CELF2: variants seen among roughly 807,000 people sequenced by gnomAD.
CELF2 encodes the protein CUG triplet repeat RNA-binding protein 2.
CELF2 carries 8 observed loss-of-function variants against 62.6 expected under a neutral mutation model. The ratio of observed to expected loss-of-function variants is 0.13; its 90% confidence interval spans 0.07 to 0.23. The LOEUF is 0.23. CELF2 is among the 10% of genes least tolerant of loss of function. The pLI is 1.00. For synonymous variants in CELF2, 258 were observed against 250.0 expected (o/e 1.03, Z -0.30); for missense variants, 333 against 671.0 (o/e 0.50, Z 5.56).
At chr10:10,567,331 G>C in the CELF2 span, among the ~76,000 whole-genome samples, 2 of 152,186 alleles carry the variant, frequency 1.3e-5, no homozygotes, top group Non-Finnish European at 2.9e-5. Context: ...TGAATCCTAT[G>C]TTGCCATTTA....
intron 2 of CELF2, among the ~76,000 whole-genome samples, chr10:10,974,113 T>C (rs201086): frequency 0.34 from 51,532 of 152,134 alleles, 13,700 homozygotes; most frequent in African/African-American, 0.74. Context: ...TTAGAATCCT[T>C]TGTAAACTGA....
At chr10:10,609,514 A>AGAAT in the CELF2 span, among the ~76,000 whole-genome samples, 10 of 152,328 alleles carry the variant, frequency 6.6e-5, no homozygotes, top group African/African-American at 2.4e-4. Flanking sequence ...ACAGCTGATG[A>AGAAT]GAATGTCATG....
intron 1 of CELF2, among the ~76,000 whole-genome samples, chr10:10,868,501 G>T (rs140356969): frequency 6.4e-4 from 98 of 152,258 alleles, no homozygotes; most frequent in African/African-American, 2.1e-3. Context: ...ATATTCTATT[G>T]GTCAAAGCAA....
intron 1 of CELF2, among the ~76,000 whole-genome samples, chr10:11,044,064 G>A (rs775742432): frequency 1.3e-4 from 20 of 152,106 alleles, no homozygotes; most frequent in Non-Finnish European, 2.4e-4. Flanking sequence ...CGGCCTTTGC[G>A]TCTTCACTTC....
intron 9 of CELF2, among the ~76,000 whole-genome samples, chr10:11,299,030 C>G (rs1351371965): frequency 6.6e-6 from 1 of 152,230 alleles, no homozygotes; most frequent in Non-Finnish European, 1.5e-5. Context: ...TTTCCTCACT[C>G]CTTTCTGCTT....
chr10:10,748,763 A>T, the CELF2 span, among the ~76,000 whole-genome samples: 1 of 151,454 alleles, frequency 6.6e-6, no homozygotes, highest in South Asian at 2.1e-4. Flanking sequence ...AAAAAAAAAA[A>T]AAAAAAAAAA....
At chr10:10,884,105 T>C (rs1333286407) in intron 1 of CELF2, among the ~76,000 whole-genome samples, 3 of 152,112 alleles carry the variant, frequency 2.0e-5, no homozygotes, top group Admixed American at 1.3e-4. Context: ...TCTTTCTTGC[T>C]CTCCTTTTGT....
the CELF2 span, among the ~76,000 whole-genome samples, chr10:10,743,974 T>C: frequency 6.6e-6 from 1 of 152,232 alleles, no homozygotes; most frequent in Non-Finnish European, 1.5e-5. Flanking sequence ...AAAATGTTCT[T>C]AGTAACTTCT....
At chr10:10,716,547 G>C in the CELF2 span, among the ~76,000 whole-genome samples, 2 of 151,996 alleles carry the variant, frequency 1.3e-5, no homozygotes, top group Non-Finnish European at 2.9e-5. Context: ...TCTCAAAAAG[G>C]GGAAAAAAAA....
chr10:10,822,331 C>G (rs2057035557), intron 1 of CELF2, among the ~76,000 whole-genome samples: 1 of 152,220 alleles, frequency 6.6e-6, no homozygotes, highest in Non-Finnish European at 1.5e-5. Context: ...AAGTCATTGC[C>G]TCTTGACTAT....
At chr10:10,733,827 A>G in the CELF2 span, among the ~76,000 whole-genome samples, 1 of 152,172 alleles carries the variant, frequency 6.6e-6, no homozygotes, top group African/African-American at 2.4e-5. Flanking sequence ...AATTATGGGA[A>G]CTACAATTCA....
At position 11,046,170 on chromosome 10, in the gene CELF2, G is replaced by A. The variant is rs937939702; in HGVS notation, c.74+28007G>A. On this transcript the variant is annotated intron_variant, in intron 1 of 12. Transcript: ENST00000633077. This position sits in a 1 kb window ranked among gnomAD's most constrained non-coding sequence, Gnocchi z 4.6. ...TCCCCAACCGGGCTGCACGCCAGCG[G>A]TTCTCAAAATCACGGCACCGCTTGT... is the stretch of plus-strand genomic sequence containing the variant. Among the ~76,000 whole-genome samples the A allele has an allele frequency of 6.6e-6, 1 of 152,172 alleles. No homozygotes were observed. Among genetic ancestry groups the A allele is most frequent in the African/African-American group, 2.4e-5 (1 of 41,438 alleles).
chr10:11,197,095 A>C (rs2058152082), intron 2 of CELF2, among the ~76,000 whole-genome samples: 1 of 144,926 alleles, frequency 6.9e-6, no homozygotes, highest in African/African-American at 2.5e-5. Context: ...AGAAAGAAAG[A>C]AGGGTTCCCA....
chr10:10,515,638 GA>G, the CELF2 span, among the ~76,000 whole-genome samples: 7 of 151,958 alleles, frequency 4.6e-5, no homozygotes, highest in Non-Finnish European at 1.0e-4. Flanking sequence ...AACAAAGAAG[GA>G]AAAAAATGTA....
chr10:11,069,557 C>G lies in CELF2; in HGVS notation c.74+51394C>G, dbSNP rs895044501. Among the ~76,000 whole-genome samples, 4 of 152,226 alleles carry G rather than the reference C, an allele frequency of 2.6e-5. No homozygotes were observed. The East Asian group carries it at 7.7e-4, about 29-fold the overall frequency. ...AAAAACCTGGAGCATTCTGTTTTTG[C>G]TAGAAGGACATGTGACAAATTATTT... On this transcript the variant is annotated intron_variant, in intron 1 of 12. Coordinates refer to ENST00000633077, the MANE Select transcript of CELF2 (RefSeq NM_001326342.2).
intron 1 of CELF2, among the ~76,000 whole-genome samples, chr10:10,888,893 T>G (rs7895452): frequency 2.0e-5 from 3 of 151,992 alleles, no homozygotes; most frequent in Non-Finnish European, 2.9e-5. Context: ...CCCCCAGTAG[T>G]TCATAGGCTT....
At chr10:11,048,981 G>A (rs955995786) in intron 1 of CELF2, among the ~76,000 whole-genome samples, 9 of 152,202 alleles carry the variant, frequency 5.9e-5, no homozygotes, top group African/African-American at 2.2e-4. Flanking sequence ...CTGCATTCAT[G>A]TATTAGAAGC....
intron 1 of CELF2, among the ~76,000 whole-genome samples, chr10:10,810,755 C>T (rs946376033): frequency 1.3e-5 from 2 of 152,184 alleles, no homozygotes; most frequent in Non-Finnish European, 1.5e-5. Context: ...TCCCAATCAT[C>T]GTTCATCAAG....
chr10:10,767,974 C>T, the CELF2 span, among the ~76,000 whole-genome samples: 3 of 92,528 alleles, frequency 3.2e-5, no homozygotes, highest in Non-Finnish European at 3.8e-5. Flanking sequence ...CCAGCCTGGG[C>T]GACAGAGCGA....
Sources: gnomAD v4.1 joint callset for allele counts (sites outside exome capture counted in the v4.1 genomes callset) on GRCh38, gnomAD v4.1.1 for gene constraint, Gnocchi (gnomAD v3.1) non-coding constraint, MANE v1.5 for transcripts, NCBI Gene and HGNC (gene_info 2026-07-23, HGNC 2026-07-21) for gene names.